The following TENM3 variants were observed in gnomAD, a reference collection of about 807,000 sequenced individuals.
The protein encoded by TENM3 is teneurin-3.
Under a neutral mutation model 255.1 loss-of-function variants are expected in TENM3, and 63 were observed. That is an observed-to-expected ratio of 0.25 (90% CI 0.20 to 0.30). The LOEUF (loss-of-function observed/expected upper bound fraction) is 0.30, where lower values mean the gene tolerates loss of function less well. Ranked by LOEUF, TENM3 falls within the 10% of genes least tolerant of loss-of-function variation. The pLI is 1.00. For missense variants in TENM3, 2,929 were observed against 3,461.1 expected (o/e 0.85, Z 3.86); for synonymous variants, 1,306 against 1,322.3 (o/e 0.99, Z 0.27).
intron 3 of TENM3, among the ~76,000 whole-genome samples, chr4:182,496,012 T>C (rs1157431053): frequency 6.6e-6 from 1 of 152,188 alleles, no homozygotes; most frequent in Non-Finnish European, 1.5e-5. Flanking sequence ...AGGTGAGCAT[T>C]ATAAAGACAG....
chr4:182,370,976 T>C (rs913790118), intron 3 of TENM3, among the ~76,000 whole-genome samples: 1 of 152,198 alleles, frequency 6.6e-6, no homozygotes, highest in Non-Finnish European at 1.5e-5. Context: ...ATTAAATTTT[T>C]TTTTCCTGCT....
chr4:182,500,643 A>AG (rs1736221268), intron 3 of TENM3, among the ~76,000 whole-genome samples: 1 of 145,114 alleles, frequency 6.9e-6, no homozygotes, highest in South Asian at 2.2e-4. Flanking sequence ...ATAATTAGAA[A>AG]ACGTGTACAC....
At chr4:182,418,388 A>G (rs1347411864) in intron 3 of TENM3, among the ~76,000 whole-genome samples, 2 of 152,184 alleles carry the variant, frequency 1.3e-5, no homozygotes, top group East Asian at 3.9e-4. Context: ...TCCTTTGCTT[A>G]TTTAGAAAAA....
chr4:182,313,759 C>T (rs1374996015), intron 1 of TENM3, among the ~76,000 whole-genome samples: 1 of 152,146 alleles, frequency 6.6e-6, no homozygotes, highest in African/African-American at 2.4e-5. Context: ...TTCCTCTTCA[C>T]TCAGCTGCTC....
chr4:182,194,032 A>G (rs1262907157), intron 1 of TENM3, among the ~76,000 whole-genome samples: 1 of 152,194 alleles, frequency 6.6e-6, no homozygotes, highest in Non-Finnish European at 1.5e-5. Context: ...AACATAATCT[A>G]TTTTTTATTG....
chr4:181,452,463 G>T, the TENM3 span, among the ~76,000 whole-genome samples: 7 of 152,186 alleles, frequency 4.6e-5, no homozygotes, highest in Admixed American at 3.9e-4. Context: ...GATAGTGAGT[G>T]AGTTCTCAGG....
intron 19 of TENM3, among the ~76,000 whole-genome samples, chr4:182,745,979 TG>T (rs1761986297): frequency 1.3e-5 from 2 of 152,230 alleles, no homozygotes; most frequent in Non-Finnish European, 2.9e-5. Context: ...TTTGTGCTTC[TG>T]CATTTCCTTT....
At chr4:181,873,874 T>C in the TENM3 span, among the ~76,000 whole-genome samples, 1 of 151,940 alleles carries the variant, frequency 6.6e-6, no homozygotes, top group African/African-American at 2.4e-5. Context: ...AACCTCTCCA[T>C]CCCAGGTTCA....
the TENM3 span, among the ~76,000 whole-genome samples, chr4:181,454,172 C>A: frequency 6.6e-6 from 1 of 152,190 alleles, no homozygotes; most frequent in East Asian, 1.9e-4. Flanking sequence ...GCTCAAATAA[C>A]TTTACAAGGC....
the TENM3 span, among the ~76,000 whole-genome samples, chr4:182,084,109 G>A: frequency 1.3e-5 from 2 of 152,048 alleles, no homozygotes; most frequent in Non-Finnish European, 2.9e-5. Context: ...TATTTGCCGT[G>A]ATACTTGGTA....
chr4:181,556,940 A>G, the TENM3 span, among the ~76,000 whole-genome samples: 250 of 152,288 alleles, frequency 1.6e-3, 6 homozygotes, highest in East Asian at 0.044. Flanking sequence ...CTTTGATTTC[A>G]TATAATATTA....
At chr4:182,262,720 CTTTT>C (rs535703415) in intron 1 of TENM3, among the ~76,000 whole-genome samples, 5 of 133,316 alleles carry the variant, frequency 3.8e-5, no homozygotes, top group Non-Finnish European at 7.9e-5. Flanking sequence ...CCTTTACTTT[CTTTT>C]TTTTTTTTTT....
At chr4:182,667,768 ACACACCGGGGT>A (rs1472865273) in intron 6 of TENM3, among the ~76,000 whole-genome samples, 3 of 87,160 alleles carry the variant, frequency 3.4e-5, no homozygotes, top group African/African-American at 1.2e-4. Context: ...GGGGAACATC[ACACACCGGGGT>A]CACACACCGG....
chr4:181,705,040 AC>A, the TENM3 span, among the ~76,000 whole-genome samples: 49 of 28,890 alleles, frequency 1.7e-3, no homozygotes, highest in South Asian at 0.013. Context: ...CATCTCAAAA[AC>A]AAAACAAAAC....
intron 3 of TENM3, among the ~76,000 whole-genome samples, chr4:182,371,397 G>T (rs747136654): frequency 6.6e-6 from 1 of 152,076 alleles, no homozygotes; most frequent in Non-Finnish European, 1.5e-5. Context: ...GTTAAAAACC[G>T]TGGTGTCTGC....
chr4:181,960,817 T>C, the TENM3 span, among the ~76,000 whole-genome samples: 3,879 of 152,244 alleles, frequency 0.025, 129 homozygotes, highest in African/African-American at 0.074. Context: ...TGACCACATA[T>C]TTTTTTAGAG....
At chr4:181,680,378 A>C in the TENM3 span, among the ~76,000 whole-genome samples, 1 of 152,270 alleles carries the variant, frequency 6.6e-6, no homozygotes, top group Admixed American at 6.6e-5. Context: ...TATTTTAATC[A>C]CTTTTAATTT....
intron 8 of TENM3, 62 bp from the exon 9 acceptor site, chr4:182,680,186 C>A: frequency 8.7e-7 from 1 of 1,148,774 alleles, no homozygotes; most frequent in Non-Finnish European, 1.3e-6. Flanking sequence ...CAAAGTGATA[C>A]CGTTTATCTT....
At chr4:181,449,436 A>T in the TENM3 span, among the ~76,000 whole-genome samples, 2 of 152,196 alleles carry the variant, frequency 1.3e-5, no homozygotes, top group Non-Finnish European at 2.9e-5. Flanking sequence ...GAGTAATAAG[A>T]GTATTATAGG....
Sources: allele counts gnomAD v4.1 joint callset (sites outside exome capture counted in the v4.1 genomes callset), GRCh38; gene constraint gnomAD v4.1.1; transcripts MANE v1.5; gene names NCBI Gene and HGNC (gene_info 2026-07-23, HGNC 2026-07-21).